The following C2CD4A variants were observed in gnomAD, a reference collection of about 807,000 sequenced individuals.
C2CD4A encodes the protein C2 calcium-dependent domain-containing protein 4A.
C2CD4A carries 2 observed loss-of-function variants against 0.4 expected under a neutral mutation model. The observed-to-expected ratio is 4.45, with a 90% confidence interval of 1.82 to 13.99. The LOEUF (loss-of-function observed/expected upper bound fraction) is 13.99. C2CD4A is among the 30% of genes most tolerant of loss of function. C2CD4A has a pLI of 0.04. For missense variants in C2CD4A, 610 were observed against 574.2 expected, an observed-to-expected ratio of 1.06 and a Z score of -0.64; for synonymous variants, 297 against 280.8, an observed-to-expected ratio of 1.06 and a Z score of -0.58.
rs35016296 is a variant in C2CD4A at position 62,069,584 on chromosome 15, A to AAAT, written c.*879_*881dup. ...GCAACCGGAGTGAGACCCTGTCTGC[A>AAAT]AATAATAATAATAATAATAAATAGT... On this transcript the variant is annotated 3_prime_UTR_variant, in exon 2 of 2. Transcript: ENST00000355522. The AAAT allele has an allele frequency of 0.51, 81,816 of 159,554 alleles. 21,317 individuals are homozygous for AAAT. The highest frequency in any genetic ancestry group is 0.6 in the Admixed American group (9,007 of 15,104). 9.9% of individuals were successfully genotyped at this position (159,554 alleles called of 1,614,324 possible).
At position 62,068,585 on chromosome 15, in the gene C2CD4A, C is replaced by T. The variant is rs913300463; in HGVS notation, c.972C>T (p.Phe324=). ...GCAAGGCCTCCTTTGACCAGGACTT[C>T]TGCTTCGACGGCCTCTCGGAGGACG... ...RSRKASFDQD[F]CFDGLSEDEV... is the part of the protein sequence containing the mutation. Residue 324 remains phenylalanine, a synonymous_variant, in exon 2 of 2, where the codon TTC becomes TTT. Transcript: ENST00000355522. The T allele has an allele frequency of 1.9e-6, 3 of 1,572,828 alleles. No homozygotes were observed. Among genetic ancestry groups the T allele is most frequent in the African/African-American group, 1.3e-5 (1 of 74,238 alleles).
chr15:62,067,593 G>A lies in C2CD4A; in HGVS notation c.-21G>A. Reference sequence around the variant, plus strand: ...GCCTTTGTGCACTGCAGGTAGACAAGCTCCAGCAGAGAGTGGCCAGATGTG... The same window carrying A: ...GCCTTTGTGCACTGCAGGTAGACAAACTCCAGCAGAGAGTGGCCAGATGTG... On this transcript the variant is annotated 5_prime_UTR_variant, in exon 2 of 2. Transcript: ENST00000355522. The A allele has an allele frequency of 6.4e-7, 1 of 1,562,476 alleles. No individual in the cohort carries two copies. Among genetic ancestry groups the A allele is most frequent in the South Asian group, 1.2e-5 (1 of 85,032 alleles).
chr15:62,068,972 T>G lies in C2CD4A; in HGVS notation c.*249T>G. On this transcript the variant is annotated 3_prime_UTR_variant, in exon 2 of 2. Coordinates refer to ENST00000355522, the MANE Select transcript of C2CD4A (RefSeq NM_207322.3). ...TAGACAGCCATTTGCATACCATATG[T>G]ACCACACACGCCTAGGAAATAATGA... 7.0e-6 allele frequency: 3 copies of G among 430,826 alleles called. No homozygotes were observed. The highest frequency in any genetic ancestry group is 8.3e-6 in the Non-Finnish European group (2 of 240,552). 26.7% of individuals were successfully genotyped at this position (430,826 alleles called of 1,614,324 possible).
rs1440390900 is a variant in C2CD4A, at chr15:62,068,354, C to G, written c.741C>G (p.Thr247=). Residue 247 remains threonine, a synonymous_variant, in exon 2 of 2, where the codon ACC becomes ACG. Coordinates refer to ENST00000355522, the MANE Select transcript of C2CD4A (RefSeq NM_207322.3). ...CCGAGCGCCTGGAGGCCGAGGGCACCGTGGCTCTGGGCCGCGCCGGCGACG... is the reference window on the plus strand; with the variant it reads ...CCGAGCGCCTGGAGGCCGAGGGCACGGTGGCTCTGGGCCGCGCCGGCGACG... The part of the protein sequence containing the change: ...PFPERLEAEG[T]VALGRAGDAL... 7 of 1,399,912 alleles carry G rather than the reference C, an allele frequency of 5.0e-6. No homozygotes were observed. The highest frequency in any genetic ancestry group is 6.5e-6 in the Non-Finnish European group (7 of 1,078,384). 86.7% of individuals were successfully genotyped at this position (1,399,912 alleles called of 1,614,324 possible). A position where few individuals can be genotyped will look rare whatever the true frequency, so the allele number is the denominator to read the frequency against.
At position 62,068,627 on chromosome 15, in the gene C2CD4A, C is replaced by G. The variant is rs755495437; in HGVS notation, c.1014C>G (p.Ala338=). Residue 338 remains alanine, a synonymous_variant, in exon 2 of 2, where the codon GCC becomes GCG. Transcript: ENST00000355522. ...CGGAGGACGAAGTGCGCCGCCTGGC[C>G]GTTCGAGTCAAGGCCCGGGACGAGG... ...GLSEDEVRRL[A]VRVKARDEGR... 1.9e-6 allele frequency: 3 copies of G among 1,557,644 alleles called. No homozygotes were observed. The highest frequency in any genetic ancestry group is 1.7e-6 in the Non-Finnish European group (2 of 1,150,926).
Position 62,068,561 on chromosome 15 carries a change from C to G in C2CD4A, c.948C>G (p.Arg316=). ...RQCSTVVGRS[R]KASFDQDFCF... ...GCAGCACTGTGGTGGGGCGCAGCCG[C>G]AAGGCCTCCTTTGACCAGGACTTCT... Residue 316 remains arginine, a synonymous_variant, in exon 2 of 2, where the codon CGC becomes CGG. Transcript: ENST00000355522. 1 of 1,570,440 alleles carries G rather than the reference C, an allele frequency of 6.4e-7. No homozygotes were observed. The highest frequency in any genetic ancestry group is 8.6e-7 in the Non-Finnish European group (1 of 1,158,278).
Position 62,069,976 on chromosome 15 carries a change from G to C in C2CD4A, c.*1253G>C, listed in dbSNP as rs1165784466. The C allele has an allele frequency of 2.9e-5, 6 of 206,544 alleles. No homozygotes were observed. The highest frequency in any genetic ancestry group is 6.3e-5 in the Non-Finnish European group (6 of 95,302). The allele number at this position is 206,544 out of a possible 1,614,324, so 12.8% of individuals were successfully genotyped here. A position where few individuals can be genotyped will look rare whatever the true frequency, so the allele number is the denominator to read the frequency against. ...TAAAGCTCTGAGGAGGAAGCTAACC[G>C]GCCTCAGAATCATAGAAATGGGTGC... On this transcript the variant is annotated 3_prime_UTR_variant, in exon 2 of 2. Coordinates refer to ENST00000355522, the MANE Select transcript of C2CD4A (RefSeq NM_207322.3).
At position 62,067,628 on chromosome 15, in the gene C2CD4A, G is replaced by C. The variant is rs2049052881; in HGVS notation, c.15G>C (p.Glu5Asp). The C allele has an allele frequency of 3.1e-6, 5 of 1,594,640 alleles. No individual in the cohort carries two copies. In the African/African-American group the frequency reaches 5.3e-5, roughly 17 times the overall value. MWCL[E>D]RLRLGPECLR... ...AGAGTGGCCAGATGTGGTGCCTGGA[G>C]CGACTCCGCTTGGGTCCTGAGTGCC... Residue 5 changes from glutamate to aspartate, a missense_variant, in exon 2 of 2, where the codon GAG (glutamate) becomes GAC (aspartate). Physicochemically the swap from Glu to Asp is conservative, Grantham distance 45. Transcript: ENST00000355522.
chr15:62,068,003 C>G lies in C2CD4A; in HGVS notation c.390C>G (p.Pro130=). The part of the protein sequence containing the change: ...LLLGGPPAPR[P]RAHTYGGGGG... ...TCGGGGGCCCGCCCGCGCCCCGGCC[C>G]CGGGCCCACACCTACGGCGGCGGCG... The change falls in exon 2 of 2, where the codon CCC becomes CCG. Residue 130 remains proline, a synonymous_variant. Coordinates refer to ENST00000355522, the MANE Select transcript of C2CD4A (RefSeq NM_207322.3). 2 of 1,366,250 alleles carry G rather than the reference C, an allele frequency of 1.5e-6. No homozygotes were observed. The highest frequency in any genetic ancestry group is 1.8e-5 in the South Asian group (1 of 56,006). 84.6% of individuals were successfully genotyped at this position (1,366,250 alleles called of 1,614,324 possible).
In C2CD4A at chr15:62,070,210, G is replaced by C; in HGVS notation, c.*1487G>C. 2.4e-6 allele frequency: 1 copy of C among 412,276 alleles called. No homozygotes were observed. The highest frequency in any genetic ancestry group is 2.1e-5 in the African/African-American group (1 of 48,644). The allele number at this position is 412,276 out of a possible 1,614,324, so 25.5% of individuals were successfully genotyped here. ...AATAGGAAAATGCATCCTAAATGAG[G>C]GTTTAAAAAATTGAAAATATTTAAA... On this transcript the variant is annotated 3_prime_UTR_variant, in exon 2 of 2. Transcript: ENST00000355522.
rs2049058344 is a variant in C2CD4A at position 62,068,147 on chromosome 15, C to T, written c.534C>T (p.Gly178=). 2 of 1,213,678 alleles carry T rather than the reference C, an allele frequency of 1.6e-6. No homozygotes were observed. Among genetic ancestry groups the T allele is most frequent in the Non-Finnish European group, 2.0e-6 (2 of 978,310 alleles). The allele number at this position is 1,213,678 out of a possible 1,614,324, so 75.2% of individuals were successfully genotyped here. Residue 178 remains glycine, a synonymous_variant, in exon 2 of 2, where the codon GGC becomes GGT. Transcript: ENST00000355522. ...ACGCGCTCGCCCGGCGGCCCCGCGG[C>T]TGCCGCCTCCTGCGCGTCCCCGACG... ...PQDALARRPR[G]CRLLRVPDGL... is the part of the protein sequence containing the mutation.
rs2049075684 is a variant in C2CD4A, at chr15:62,070,320, T to C, written c.*1597T>C. The C allele has an allele frequency of 1.7e-5, 7 of 413,098 alleles. No homozygotes were observed. In the East Asian group the frequency reaches 2.5e-4, roughly 15 times the overall value. The allele number at this position is 413,098 out of a possible 1,614,324, so 25.6% of individuals were successfully genotyped here. A position where few individuals can be genotyped will look rare whatever the true frequency, so the allele number is the denominator to read the frequency against. On this transcript the variant is annotated 3_prime_UTR_variant, in exon 2 of 2. Coordinates refer to ENST00000355522, the MANE Select transcript of C2CD4A (RefSeq NM_207322.3). ...CTTTATTTTATTTCATTTTATCTTTTAGAAACAAGGCGTCACTCTGTCACC... is the reference window on the plus strand; with the variant it reads ...CTTTATTTTATTTCATTTTATCTTTCAGAAACAAGGCGTCACTCTGTCACC...
rs35932993 is a variant in C2CD4A, at chr15:62,069,557, G to A, written c.*834G>A. On this transcript the variant is annotated 3_prime_UTR_variant, in exon 2 of 2. Transcript: ENST00000355522. The stretch of plus-strand genomic sequence containing the variant: ...AGATCGTGCCACTGCACTCCAACCT[G>A]GGCAACCGGAGTGAGACCCTGTCTG... The A allele has an allele frequency of 0.057, 8,967 of 157,854 alleles. 343 individuals are homozygous for A. Among genetic ancestry groups the A allele is most frequent in the Non-Finnish European group, 0.084 (5,720 of 68,012 alleles). 9.8% of individuals were successfully genotyped at this position (157,854 alleles called of 1,614,324 possible).
rs1748198457 is a variant in C2CD4A, at chr15:62,068,578, A to G, written c.965A>G (p.Gln322Arg). 3 of 1,573,536 alleles carry G rather than the reference A, an allele frequency of 1.9e-6. No individual in the cohort carries two copies. Among genetic ancestry groups the G allele is most frequent in the Non-Finnish European group, 2.6e-6 (3 of 1,159,846 alleles). Reference protein sequence around the residue: ...VGRSRKASFDQDFCFDGLSED... With the variant: ...VGRSRKASFDRDFCFDGLSED... ...CGCAGCCGCAAGGCCTCCTTTGACCAGGACTTCTGCTTCGACGGCCTCTCG... is the reference window on the plus strand; with the variant it reads ...CGCAGCCGCAAGGCCTCCTTTGACCGGGACTTCTGCTTCGACGGCCTCTCG... The change falls in exon 2 of 2, where the codon CAG becomes CGG. Residue 322 changes from glutamine (Q) to arginine (R), a missense_variant. Physicochemically the swap from Gln to Arg is conservative, Grantham distance 43. Transcript: ENST00000355522.
Position 62,068,627 on chromosome 15 carries a change from C to T in C2CD4A, c.1014C>T (p.Ala338=), listed in dbSNP as rs755495437. ...GLSEDEVRRL[A]VRVKARDEGR... is the part of the protein sequence containing the mutation. ...CGGAGGACGAAGTGCGCCGCCTGGC[C>T]GTTCGAGTCAAGGCCCGGGACGAGG... The change falls in exon 2 of 2, where the codon GCC becomes GCT. Residue 338 remains alanine, a synonymous_variant. Transcript: ENST00000355522. The T allele has an allele frequency of 4.5e-6, 7 of 1,557,528 alleles. No homozygotes were observed. Among genetic ancestry groups the T allele is most frequent in the African/African-American group, 1.4e-5 (1 of 73,626 alleles).
Position 62,068,431 on chromosome 15 carries a change from G to C in C2CD4A, c.818G>C (p.Arg273Pro). Residue 273 changes from arginine (R) to proline (P), a missense_variant, in exon 2 of 2, where the codon CGG becomes CCG. Coordinates refer to ENST00000355522, the MANE Select transcript of C2CD4A (RefSeq NM_207322.3). Reference sequence around the variant, plus strand: ...CCGGGAACCGGGCGGCTCCGCCTCCGGCTGCTCCGCGCCGAGAGCCCGGCC... The same window carrying C: ...CCGGGAACCGGGCGGCTCCGCCTCCCGCTGCTCCGCGCCGAGAGCCCGGCC... ...YCPGTGRLRL[R>P]LLRAESPAGG... The C allele has an allele frequency of 7.1e-7, 1 of 1,409,450 alleles. No individual in the cohort carries two copies. Among genetic ancestry groups the C allele is most frequent in the South Asian group, 1.5e-5 (1 of 65,114 alleles). 87.3% of individuals were successfully genotyped at this position (1,409,450 alleles called of 1,614,324 possible).
In C2CD4A at chr15:62,069,055, T is replaced by C. The variant is rs1223917228; in HGVS notation, c.*332T>C. 6.9e-6 allele frequency: 2 copies of C among 289,968 alleles called. No homozygotes were observed. Among genetic ancestry groups the C allele is most frequent in the Non-Finnish European group, 1.4e-5 (2 of 148,046 alleles). 18.0% of individuals were successfully genotyped at this position (289,968 alleles called of 1,614,324 possible). A position where few individuals can be genotyped will look rare whatever the true frequency, so the allele number is the denominator to read the frequency against. On this transcript the variant is annotated 3_prime_UTR_variant, in exon 2 of 2. Transcript: ENST00000355522. ...TGGCGATCTGTTTGCTCCAATCACC[T>C]CATTTTAAAATTGGTGCTTTCCACA...
At position 62,070,767 on chromosome 15, in the gene C2CD4A, A is replaced by G. The variant is rs937726252; in HGVS notation, c.*2044A>G. ...GTTCAGATCTATCATGTGCTCTTCT[A>G]TCTAATCAGTCAATATTTCCTTGGC... On this transcript the variant is annotated 3_prime_UTR_variant, in exon 2 of 2. Coordinates refer to ENST00000355522, the MANE Select transcript of C2CD4A (RefSeq NM_207322.3). 8.5e-6 allele frequency: 3 copies of G among 353,150 alleles called. No individual in the cohort carries two copies. The highest frequency in any genetic ancestry group is 4.4e-5 in the East Asian group (1 of 22,910). The allele number at this position is 353,150 out of a possible 1,614,324, so 21.9% of individuals were successfully genotyped here.
rs1251696581 is a variant in C2CD4A, at chr15:62,068,035, C to T, written c.422C>T (p.Pro141Leu). Residue 141 changes from proline (P) to leucine (L), a missense_variant, in exon 2 of 2, where the codon CCG becomes CTG. Transcript: ENST00000355522. ...RAHTYGGGGG[P>L]DALLGTLRVP... Reference sequence around the variant, plus strand: ...CACACCTACGGCGGCGGCGGCGGCCCGGACGCCCTCCTGGGGACCCTGCGC... The same window carrying T: ...CACACCTACGGCGGCGGCGGCGGCCTGGACGCCCTCCTGGGGACCCTGCGC... 2.4e-6 allele frequency: 3 copies of T among 1,269,254 alleles called. No individual in the cohort carries two copies. The highest frequency in any genetic ancestry group is 3.0e-6 in the Non-Finnish European group (3 of 1,015,090). 78.6% of individuals were successfully genotyped at this position (1,269,254 alleles called of 1,614,324 possible).
Sources: allele counts gnomAD v4.1 joint callset, GRCh38; gene constraint gnomAD v4.1.1; transcripts MANE v1.5; gene names NCBI Gene and HGNC (gene_info 2026-07-23, HGNC 2026-07-21).